The following CLIC6 variants were observed in gnomAD, a reference collection of about 807,000 sequenced individuals.
The protein encoded by CLIC6 is CLIC family member 6.
A neutral mutation model predicts 49.2 loss-of-function variants in CLIC6; 39 were observed. The observed-to-expected ratio is 0.79, with a 90% CI of 0.61 to 1.04. CLIC6 has a LOEUF of 1.04. Among genes scored for constraint, CLIC6 ranks in the 50% least tolerant of loss-of-function variants. The pLI is 0.00. For synonymous variants in CLIC6, 446 were observed against 433.4 expected (o/e 1.03, Z -0.36); for missense variants, 988 against 993.1 (o/e 0.99, Z 0.07).
chr21:34,690,557 T>C (rs1292267888), intron 1 of CLIC6, among the ~76,000 whole-genome samples: 1 of 152,056 alleles, frequency 6.6e-6, no homozygotes, highest in Non-Finnish European at 1.5e-5. Context: ...CTCTCCTTTG[T>C]GTGGTGTAGG....
intron 1 of CLIC6, among the ~76,000 whole-genome samples, chr21:34,701,515 T>C (rs1374088238): frequency 6.6e-6 from 1 of 152,058 alleles, no homozygotes. Context: ...GCCCAGGGAT[T>C]CCAGTGTATC....
chr21:34,714,516 C>T (rs530871551), intron 5 of CLIC6, among the ~76,000 whole-genome samples: 21 of 151,978 alleles, frequency 1.4e-4, no homozygotes, highest in African/African-American at 3.9e-4. Flanking sequence ...GGTGAAACCC[C>T]GTCTCTACTA....
chr21:34,712,746 A>T (rs1420038092), intron 5 of CLIC6, among the ~76,000 whole-genome samples: 1 of 152,234 alleles, frequency 6.6e-6, no homozygotes, highest in Non-Finnish European at 1.5e-5. Context: ...AGAGAAAAGA[A>T]TCTAGGCCCC....
chr21:34,709,591 T>C (rs2056042170), intron 5 of CLIC6, 53 bp downstream of exon 5: 3 of 1,522,736 alleles, frequency 2.0e-6, no homozygotes, highest in African/African-American at 2.8e-5. Context: ...GGCTTTGTTT[T>C]ATTTTGTTTT....
At chr21:34,713,457 G>A (rs182429366) in intron 5 of CLIC6, among the ~76,000 whole-genome samples, 309 of 152,296 alleles carry the variant, frequency 2.0e-3, no homozygotes, top group Non-Finnish European at 3.6e-3. Flanking sequence ...AGACACAGAC[G>A]AAGACATTGC....
chr21:34,685,074 C>A (rs1311114257), intron 1 of CLIC6, among the ~76,000 whole-genome samples: 1 of 152,094 alleles, frequency 6.6e-6, no homozygotes, highest in Non-Finnish European at 1.5e-5. Context: ...AAAGCCTGGA[C>A]CCATTGTTCT....
At position 34,670,937 on chromosome 21, in the gene CLIC6, C is replaced by T. The variant is rs556529864; in HGVS notation, c.1374+175C>T. 5.3e-5 allele frequency among the ~76,000 whole-genome samples: 8 copies of T among 151,852 alleles called. No homozygotes were observed. The East Asian group carries it at 1.6e-3, about 30-fold the overall frequency. ...GCCGGGATTTCCCGGAGAAGAGTTT[C>T]CAGGGCATTTGCGGGAGGACTCAAT... On this transcript the variant is annotated intron_variant, in intron 1 of 5. Transcript: ENST00000349499.
At chr21:34,715,533 C>T (rs2056080999) in intron 5 of CLIC6, among the ~76,000 whole-genome samples, 1 of 152,120 alleles carries the variant, frequency 6.6e-6, no homozygotes, top group African/African-American at 2.4e-5. Flanking sequence ...ACTTCTGGCC[C>T]CCAGAACTAG....
At chr21:34,696,924 C>A (rs961298867) in intron 1 of CLIC6, among the ~76,000 whole-genome samples, 1 of 152,032 alleles carries the variant, frequency 6.6e-6, no homozygotes, top group South Asian at 2.1e-4. Flanking sequence ...ATCTTTTGAT[C>A]TCTAAATTCC....
intron 1 of CLIC6, among the ~76,000 whole-genome samples, chr21:34,700,642 G>A (rs1220454680): frequency 7.2e-6 from 1 of 139,756 alleles, no homozygotes; most frequent in Non-Finnish European, 1.5e-5. Flanking sequence ...CTGTCATGGG[G>A]AGTGGCTGTG....
chr21:34,693,750 A>G (rs1017682315), intron 1 of CLIC6, among the ~76,000 whole-genome samples: 8 of 152,194 alleles, frequency 5.3e-5, no homozygotes, highest in African/African-American at 1.9e-4. Context: ...AGGTCGAAAC[A>G]GTTACTATAG....
chr21:34,681,492 G>A (rs1023775371), intron 1 of CLIC6, among the ~76,000 whole-genome samples: 2 of 152,200 alleles, frequency 1.3e-5, no homozygotes, highest in Non-Finnish European at 2.9e-5. Flanking sequence ...TGGGGCTAGG[G>A]CTGTGGTTTC....
intron 5 of CLIC6, among the ~76,000 whole-genome samples, chr21:34,713,240 A>G (rs1296853291): frequency 7.9e-5 from 12 of 152,232 alleles, no homozygotes; most frequent in Non-Finnish European, 5.9e-5. Flanking sequence ...CCAGCACATT[A>G]AAGAACGTTT....
chr21:34,675,284 A>G (rs899109179), intron 1 of CLIC6, among the ~76,000 whole-genome samples: 1 of 148,876 alleles, frequency 6.7e-6, no homozygotes, highest in Non-Finnish European at 1.5e-5. Flanking sequence ...CCTTCCAAGC[A>G]TTGCCATACC....
intron 1 of CLIC6, among the ~76,000 whole-genome samples, chr21:34,691,013 A>G (rs1989982572): frequency 1.3e-5 from 2 of 152,156 alleles, no homozygotes; most frequent in South Asian, 4.1e-4. Flanking sequence ...TGTGGGTCAA[A>G]CCAGGCCATA....
intron 1 of CLIC6, among the ~76,000 whole-genome samples, chr21:34,671,758 G>C (rs1299181444): frequency 6.6e-6 from 1 of 152,152 alleles, no homozygotes; most frequent in African/African-American, 2.4e-5. Flanking sequence ...AATCTCTCTG[G>C]CTGAAATGCA....
At chr21:34,694,135 A>ATTTTTTTTTTTTTTTTTTTTTTTT (rs57210806) in intron 1 of CLIC6, among the ~76,000 whole-genome samples, 2 of 128,420 alleles carry the variant, frequency 1.6e-5, no homozygotes, top group African/African-American at 6.3e-5. Context: ...CGCCTGGTTA[A>ATTTTTTTTTTTTTTTTTTTTTTTT]TTTTTTTTTT....
At position 34,669,602 on chromosome 21, in the gene CLIC6, G is replaced by A. The variant is rs930714318; in HGVS notation, c.214G>A (p.Glu72Lys). ...CGGGCCAGACAGGGGCCCGGAGGCCGAGGCGCGGGGCACGAGGGGGGCGCA... is the reference window on the plus strand; with the variant it reads ...CGGGCCAGACAGGGGCCCGGAGGCCAAGGCGCGGGGCACGAGGGGGGCGCA... The part of the protein sequence containing the change: ...GGGPDRGPEA[E>K]ARGTRGAHGE... Residue 72 changes from glutamate to lysine, a missense_variant, in exon 1 of 6, where the codon GAG (glutamate) becomes AAG (lysine). Glu to Lys is a moderately conservative substitution (Grantham distance 56). Around this residue, in one of 3 missense-constraint regions of CLIC6, gnomAD observed 284 missense variants for 278.6 expected, o/e 1.02. Coordinates refer to ENST00000349499, the MANE Select transcript of CLIC6 (RefSeq NM_053277.3). 9.5e-6 allele frequency: 12 copies of A among 1,269,752 alleles called. No individual in the cohort carries two copies. Among genetic ancestry groups the A allele is most frequent in the Non-Finnish European group, 1.2e-5 (12 of 1,011,246 alleles). 78.7% of individuals were successfully genotyped at this position (1,269,752 alleles called of 1,614,324 possible). A position where few individuals can be genotyped will look rare whatever the true frequency, so the allele number is the denominator to read the frequency against.
At chr21:34,704,402 A>C (rs890057410) in intron 1 of CLIC6, among the ~76,000 whole-genome samples, 3 of 152,190 alleles carry the variant, frequency 2.0e-5, no homozygotes, top group Non-Finnish European at 4.4e-5. Context: ...GACAGAAAGG[A>C]ATTTTTTAGA....
Sources: allele counts gnomAD v4.1 joint callset (sites outside exome capture counted in the v4.1 genomes callset), GRCh38; gene constraint gnomAD v4.1.1; regional missense constraint gnomAD v4.1.1; transcripts MANE v1.5; gene names NCBI Gene and HGNC (gene_info 2026-07-23, HGNC 2026-07-21).